The following PHACTR1 variants were observed in gnomAD, a reference collection of about 807,000 sequenced individuals.
PHACTR1 encodes the protein phosphatase and actin regulator 1, also known as RPEL repeat containing 1.
Under a neutral mutation model 69.2 loss-of-function variants are expected in PHACTR1, and 16 were observed. The ratio of observed to expected loss-of-function variants is 0.23; its 90% confidence interval spans 0.16 to 0.35. The LOEUF is 0.35. PHACTR1 is among the 10% of genes least tolerant of loss of function. The pLI is 1.00. For missense variants in PHACTR1, 510 were observed against 734.7 expected, an observed-to-expected ratio of 0.69 and a Z score of 3.54; for synonymous variants, 312 against 284.5, an observed-to-expected ratio of 1.10 and a Z score of -0.97.
At chr6:13,005,082 A>G (rs192842893) in intron 4 of PHACTR1, among the ~76,000 whole-genome samples, 3 of 152,022 alleles carry the variant, frequency 2.0e-5, no homozygotes, top group Admixed American at 6.5e-5. Context: ...AGCTCACTAA[A>G]TGATACATCC....
intron 7 of PHACTR1, among the ~76,000 whole-genome samples, chr6:13,195,245 C>A (rs1264794420): frequency 6.6e-6 from 1 of 152,078 alleles, no homozygotes; most frequent in Non-Finnish European, 1.5e-5. Context: ...CCAATAGGCC[C>A]TTTATTATAG....
intron 12 of PHACTR1, chr6:13,281,563 G>GA: frequency 5.2e-6 from 1 of 191,268 alleles, no homozygotes; most frequent in South Asian, 6.5e-5. Flanking sequence ...TCTAAAAAAA[G>GA]AAAAATGAAG....
At chr6:12,919,199 A>G (rs965606399) in intron 4 of PHACTR1, among the ~76,000 whole-genome samples, 5 of 151,926 alleles carry the variant, frequency 3.3e-5, no homozygotes, top group Admixed American at 3.3e-4. Flanking sequence ...CTGGAGTGCA[A>G]TGGTGCAATC....
At chr6:13,162,951 G>A (rs1759257438) in intron 6 of PHACTR1, among the ~76,000 whole-genome samples, 1 of 152,088 alleles carries the variant, frequency 6.6e-6, no homozygotes, top group African/African-American at 2.4e-5. Flanking sequence ...CCTGCACTCA[G>A]TAAGTGGCTG....
chr6:13,028,279 C>T (rs1038993060), intron 4 of PHACTR1, among the ~76,000 whole-genome samples: 2 of 152,188 alleles, frequency 1.3e-5, no homozygotes, highest in African/African-American at 4.8e-5. Flanking sequence ...AAGAAACACA[C>T]ACTGAGATTC....
chr6:13,000,613 G>GAA, intron 4 of PHACTR1, among the ~76,000 whole-genome samples: 1 of 104,222 alleles, frequency 9.6e-6, no homozygotes, highest in African/African-American at 4.9e-5. Context: ...AGGAGGGAAG[G>GAA]GAGGAAGGAA....
chr6:13,019,501 G>C (rs1308926206), intron 4 of PHACTR1, among the ~76,000 whole-genome samples: 2 of 152,218 alleles, frequency 1.3e-5, no homozygotes, highest in Non-Finnish European at 2.9e-5. Flanking sequence ...CAGGCTCAGA[G>C]TATGTCCAAT....
At chr6:13,033,265 A>G (rs938677170) in intron 4 of PHACTR1, among the ~76,000 whole-genome samples, 9 of 152,208 alleles carry the variant, frequency 5.9e-5, no homozygotes, top group African/African-American at 2.2e-4. Flanking sequence ...TATGATTTGG[A>G]AGAATGAAAT....
chr6:13,056,921 C>G (rs1248644889), intron 5 of PHACTR1, among the ~76,000 whole-genome samples: 1 of 152,060 alleles, frequency 6.6e-6, no homozygotes, highest in East Asian at 1.9e-4. Context: ...ACTGACTTAC[C>G]AGGATCCTTG....
intron 4 of PHACTR1, among the ~76,000 whole-genome samples, chr6:12,789,768 TTTTTA>T (rs1772010284): frequency 1.3e-5 from 2 of 151,636 alleles, no homozygotes; most frequent in South Asian, 2.1e-4. Context: ...ATTTTTTATT[TTTTTA>T]TTTTATTTTA....
At chr6:12,765,920 G>A (rs1768555013) in intron 4 of PHACTR1, among the ~76,000 whole-genome samples, 1 of 152,136 alleles carries the variant, frequency 6.6e-6, no homozygotes, top group African/African-American at 2.4e-5. Flanking sequence ...AACACTAGAT[G>A]TTACTTCCCC....
intron 7 of PHACTR1, among the ~76,000 whole-genome samples, chr6:13,194,791 AT>A (rs202122147): frequency 2.0e-5 from 3 of 151,822 alleles, no homozygotes; most frequent in African/African-American, 4.8e-5. Flanking sequence ...GTCTAGTAAA[AT>A]TTTTTTTTAA....
intron 5 of PHACTR1, among the ~76,000 whole-genome samples, chr6:13,102,173 T>G (rs543413988): frequency 6.6e-6 from 1 of 152,210 alleles, no homozygotes; most frequent in Non-Finnish European, 1.5e-5. Context: ...GCAAAGGAGT[T>G]GCCAAGTATT....
chr6:13,222,247 G>C (rs530635040), intron 8 of PHACTR1, among the ~76,000 whole-genome samples: 1 of 152,184 alleles, frequency 6.6e-6, no homozygotes, highest in Non-Finnish European at 1.5e-5. Flanking sequence ...TTTATTACAC[G>C]AGTCAGCAGT....
chr6:12,762,924 A>G (rs561427417), intron 4 of PHACTR1, among the ~76,000 whole-genome samples: 2 of 152,198 alleles, frequency 1.3e-5, no homozygotes, highest in Non-Finnish European at 2.9e-5. Context: ...TTCATAGAAC[A>G]GCAGTCAGGC....
Position 12,818,634 on chromosome 6 carries a change from A to C in PHACTR1, c.250+68844A>C, listed in dbSNP as rs115754095. Among the ~76,000 whole-genome samples the C allele has an allele frequency of 6.2e-3, 945 of 152,292 alleles. 9 individuals are homozygous for C. The highest frequency in any genetic ancestry group is 0.021 in the African/African-American group (867 of 41,546). ...GCCAGTCTTCCTCATGTTCATACAG[A>C]GCTATGAAAAGAATTCTTTAGTATA... On this transcript the variant is annotated intron_variant, in intron 4 of 14. Coordinates refer to ENST00000332995, the MANE Select transcript of PHACTR1 (RefSeq NM_030948.6).
At position 13,285,485 on chromosome 6, in the gene PHACTR1, C is replaced by T. The variant is rs533342117; in HGVS notation, c.1651-661C>T. Among the ~76,000 whole-genome samples, 8 of 152,314 alleles carry T rather than the reference C, an allele frequency of 5.3e-5. No homozygotes were observed. In the East Asian group the frequency reaches 1.3e-3, roughly 26 times the overall value. ...TCTCTGGCCCCAGCTGCCTTCTTTACCAGCCCCTCCTCCTCCCCTGCTCTC... is the reference window on the plus strand; with the variant it reads ...TCTCTGGCCCCAGCTGCCTTCTTTATCAGCCCCTCCTCCTCCCCTGCTCTC... On this transcript the variant is annotated intron_variant, in intron 13 of 14. Transcript: ENST00000332995.
At chr6:13,225,804 A>T (rs1354195939) in intron 8 of PHACTR1, among the ~76,000 whole-genome samples, 2 of 152,216 alleles carry the variant, frequency 1.3e-5, no homozygotes, top group Non-Finnish European at 2.9e-5. Flanking sequence ...AGAGAGGAAA[A>T]GACAGGATTC....
intron 4 of PHACTR1, among the ~76,000 whole-genome samples, chr6:12,893,704 A>G (rs1784372434): frequency 6.8e-6 from 1 of 147,140 alleles, no homozygotes; most frequent in East Asian, 2.0e-4. Context: ...ATATATATAC[A>G]GTATGGTTTC....
Sources: allele counts gnomAD v4.1 joint callset (sites outside exome capture counted in the v4.1 genomes callset), GRCh38; gene constraint gnomAD v4.1.1; transcripts MANE v1.5; gene names NCBI Gene and HGNC (gene_info 2026-07-23, HGNC 2026-07-21).